The following ZNF227 variants were observed in gnomAD, a reference collection of about 807,000 sequenced individuals.
The protein encoded by ZNF227 is zinc finger protein 227.
ZNF227 carries 12 observed loss-of-function variants against 13.2 expected under a neutral mutation model. That is an observed-to-expected ratio of 0.91 (90% CI 0.58 to 1.47). ZNF227 has a LOEUF of 1.47. Ranked by LOEUF, ZNF227 falls within the 40% of genes most tolerant of loss-of-function variation. The probability of loss-of-function intolerance (pLI) is 0.00; values close to 1 mark genes in which losing one functional copy is unlikely to be tolerated. For synonymous variants in ZNF227, 338 were observed against 326.0 expected, an observed-to-expected ratio of 1.04 and a Z score of -0.40; for missense variants, 885 against 967.5, an observed-to-expected ratio of 0.91 and a Z score of 1.13.
In ZNF227 at chr19:44,236,342, G is replaced by A. The variant is rs764563542; in HGVS notation, c.1912G>A (p.Gly638Ser). The A allele has an allele frequency of 3.1e-6, 5 of 1,613,994 alleles. No individual in the cohort carries two copies. The East Asian group carries it at 1.1e-4, about 36-fold the overall frequency. The change falls in exon 6 of 6, where the codon GGT becomes AGT. Residue 638 changes from glycine to serine, a missense_variant. By Grantham distance (56) the Gly-to-Ser change is moderately conservative. Transcript: ENST00000313040. ...GAAGCCATACAAATGTGGTGTCTGT[G>A]GTAAGGGCTTCAGTCAGTCCTCTGG... Reference protein sequence around the residue: ...GEKPYKCGVCGKGFSQSSGLQ... With the variant: ...GEKPYKCGVCSKGFSQSSGLQ...
At chr19:44,222,489 A>G (rs1420842027) in intron 3 of ZNF227, among the ~76,000 whole-genome samples, 2 of 151,024 alleles carry the variant, frequency 1.3e-5, no homozygotes, top group African/African-American at 2.4e-5. Flanking sequence ...ATCCCTTGTA[A>G]GTTGGATTCC....
At position 44,232,491 on chromosome 19, in the gene ZNF227, T is replaced by C. The variant is rs577424111; in HGVS notation, c.272-2211T>C. ...AGGTGCTGGACTTACAGTTTTATTA[T>C]AGCAAAAAAGATACATGTTGGAAGC... On this transcript the variant is annotated intron_variant, in intron 5 of 5. Transcript: ENST00000313040. Among the ~76,000 whole-genome samples, 14 of 152,200 alleles carry C rather than the reference T, an allele frequency of 9.2e-5. No homozygotes were observed. In the South Asian group the frequency reaches 2.1e-3, roughly 23 times the overall value.
At chr19:44,225,472 ATTC>A (rs1427551704) in intron 3 of ZNF227, among the ~76,000 whole-genome samples, 1 of 152,050 alleles carries the variant, frequency 6.6e-6, no homozygotes, top group African/African-American at 2.4e-5. Flanking sequence ...GTTTCTTTTT[ATTC>A]TTTTTTCTCT....
At chr19:44,211,715 C>A (rs1040976803), upstream of ZNF227, among the ~76,000 whole-genome samples, 2 of 151,726 alleles carry the variant, frequency 1.3e-5, no homozygotes, top group Non-Finnish European at 2.9e-5. Flanking sequence ...GCCTTCGTTG[C>A]ATTTTTTGAT....
chr19:44,217,736 G>A (rs573845374), intron 2 of ZNF227, 55 bp from the exon 3 acceptor site: 1 of 1,581,984 alleles, frequency 6.3e-7, no homozygotes, highest in African/African-American at 1.3e-5. Context: ...TTCCTCATAT[G>A]TACACATGGG....
At chr19:44,216,165 G>A (rs1158651996) in intron 2 of ZNF227, among the ~76,000 whole-genome samples, 1 of 149,946 alleles carries the variant, frequency 6.7e-6, no homozygotes, top group African/African-American at 2.5e-5. Flanking sequence ...TCTTACCATT[G>A]CTTTTTGCAG....
intron 3 of ZNF227, among the ~76,000 whole-genome samples, chr19:44,218,985 T>G (rs1182107914): frequency 6.6e-6 from 1 of 152,200 alleles, no homozygotes. Context: ...CCTCCCAGGT[T>G]CAAGCGATTC....
Position 44,236,742 on chromosome 19 carries a change from C to G in ZNF227, c.2312C>G (p.Pro771Arg), listed in dbSNP as rs751501380. 4 of 1,614,012 alleles carry G rather than the reference C, an allele frequency of 2.5e-6. No homozygotes were observed. The East Asian group carries it at 8.9e-5, about 36-fold the overall frequency. The change falls in exon 6 of 6, where the codon CCA (proline) becomes CGA (arginine). Residue 771 changes from proline (P) to arginine (R), a missense_variant. Transcript: ENST00000313040. ...CAGAGAGTCCACACTGGAGAAAAACCATACAAATGTGACATATGTGATAAG... is the reference window on the plus strand; with the variant it reads ...CAGAGAGTCCACACTGGAGAAAAACGATACAAATGTGACATATGTGATAAG... ...AHQRVHTGEK[P>R]YKCDICDKDF...
rs765782448 is a variant in ZNF227, at chr19:44,236,350, C to G, written c.1920C>G (p.Gly640=). Reference sequence around the variant, plus strand: ...ACAAATGTGGTGTCTGTGGTAAGGGCTTCAGTCAGTCCTCTGGTCTTCAAT... The same window carrying G: ...ACAAATGTGGTGTCTGTGGTAAGGGGTTCAGTCAGTCCTCTGGTCTTCAAT... ...KPYKCGVCGK[G]FSQSSGLQSH... Residue 640 remains glycine (G), a synonymous_variant, in exon 6 of 6, where the codon GGC becomes GGG. Coordinates refer to ENST00000313040, the MANE Select transcript of ZNF227 (RefSeq NM_182490.3). 2 of 1,614,026 alleles carry G rather than the reference C, an allele frequency of 1.2e-6. No homozygotes were observed. Among genetic ancestry groups the G allele is most frequent in the Non-Finnish European group, 1.7e-6 (2 of 1,180,022 alleles).
At position 44,235,052 on chromosome 19, in the gene ZNF227, A is replaced by G. The variant is rs1435147469; in HGVS notation, c.622A>G (p.Met208Val). 2 of 1,614,062 alleles carry G rather than the reference A, an allele frequency of 1.2e-6. No homozygotes were observed. The highest frequency in any genetic ancestry group is 2.2e-5 in the East Asian group (1 of 44,882). ...KNNLQIHEDF[M>V]KKSPFHEHIK... is the part of the protein sequence containing the mutation. The stretch of plus-strand genomic sequence containing the variant: ...TAACCTGCAAATACATGAAGACTTC[A>G]TGAAGAAATCACCATTTCATGAGCA... The change falls in exon 6 of 6, where the codon ATG (methionine) becomes GTG (valine). Residue 208 changes from methionine to valine, a missense_variant. Physicochemically the swap from Met to Val is conservative, Grantham distance 21 (BLOSUM62 1). Transcript: ENST00000313040.
chr19:44,215,208 C>T (rs550788673), intron 2 of ZNF227, among the ~76,000 whole-genome samples: 2 of 150,868 alleles, frequency 1.3e-5, no homozygotes, highest in East Asian at 3.9e-4. Context: ...CGCCTGTCGC[C>T]CAGACCGGAG....
At chr19:44,210,964 C>A (rs758692079), upstream of ZNF227, among the ~76,000 whole-genome samples, 1 of 151,976 alleles carries the variant, frequency 6.6e-6, no homozygotes, top group Non-Finnish European at 1.5e-5. Context: ...GAGGCCGGGG[C>A]GGGTGGATCA....
upstream of ZNF227, among the ~76,000 whole-genome samples, chr19:44,209,199 A>G (rs1388128433): frequency 6.6e-6 from 1 of 152,238 alleles, no homozygotes; most frequent in African/African-American, 2.4e-5. Context: ...AAACATGCAC[A>G]TACAGAAAAT....
At chr19:44,216,575 A>G (rs1971899856) in intron 2 of ZNF227, among the ~76,000 whole-genome samples, 1 of 152,200 alleles carries the variant, frequency 6.6e-6, no homozygotes, top group Admixed American at 6.5e-5. Flanking sequence ...GCATCTTGAA[A>G]TTAAAACCTC....
Position 44,228,531 on chromosome 19 carries a change from G to A in ZNF227, c.146G>A (p.Arg49Gln), listed in dbSNP as rs372394225. 41 of 1,613,722 alleles carry A rather than the reference G, an allele frequency of 2.5e-5. No homozygotes were observed. The highest frequency in any genetic ancestry group is 1.6e-4 in the Middle Eastern group (1 of 6,084). The change falls in exon 4 of 6, where the codon CGA becomes CAA. Residue 49 changes from arginine (R) to glutamine (Q), a missense_variant. Coordinates refer to ENST00000313040, the MANE Select transcript of ZNF227 (RefSeq NM_182490.3). ...LLDLTQRKLY[R>Q]DVMVENFKNL... ...GATCTTACCCAGAGGAAGCTGTACC[G>A]AGATGTCATGGTGGAGAACTTCAAG...
chr19:44,235,713 G>T lies in ZNF227; in HGVS notation c.1283G>T (p.Arg428Ile). 6.2e-7 allele frequency: 1 copy of T among 1,614,074 alleles called. No homozygotes were observed. Among genetic ancestry groups the T allele is most frequent in the Non-Finnish European group, 8.5e-7 (1 of 1,180,014 alleles). Residue 428 changes from arginine (R) to isoleucine (I), a missense_variant, in exon 6 of 6, where the codon AGA (arginine) becomes ATA (isoleucine). By Grantham distance (97) the Arg-to-Ile change is moderately conservative (BLOSUM62 -3). Coordinates refer to ENST00000313040, the MANE Select transcript of ZNF227 (RefSeq NM_182490.3). ...TQAAHFHIHQ[R>I]VHTGEKPYKC... ...GCTGCACATTTTCACATCCATCAGA[G>T]AGTCCACACTGGAGAGAAACCCTAC... is the stretch of plus-strand genomic sequence containing the variant.
In ZNF227 at chr19:44,236,842, G is replaced by A. The variant is rs754977601; in HGVS notation, c.*12G>A. On this transcript the variant is annotated 3_prime_UTR_variant, in exon 6 of 6. Transcript: ENST00000313040. ...GTAAAAAGCTTTAGAAATGAGAAAT[G>A]TGTTACCAACTTTTGTCTGAATGCA... The A allele has an allele frequency of 1.3e-6, 2 of 1,543,250 alleles. No homozygotes were observed. The highest frequency in any genetic ancestry group is 1.7e-6 in the Non-Finnish European group (2 of 1,147,226).
intron 3 of ZNF227, among the ~76,000 whole-genome samples, chr19:44,222,371 G>A (rs906972547): frequency 6.6e-6 from 1 of 151,954 alleles, no homozygotes; most frequent in East Asian, 1.9e-4. Context: ...ACATTTTCAC[G>A]ATATTGATTC....
At chr19:44,227,849 G>T (rs1276076650) in intron 3 of ZNF227, among the ~76,000 whole-genome samples, 1 of 152,172 alleles carries the variant, frequency 6.6e-6, no homozygotes, top group Non-Finnish European at 1.5e-5. Context: ...GTAGTAGGTG[G>T]ATGTGACATG....
Sources: gnomAD v4.1 joint callset for allele counts (sites outside exome capture counted in the v4.1 genomes callset) on GRCh38, gnomAD v4.1.1 for gene constraint, MANE v1.5 for transcripts, NCBI Gene and HGNC (gene_info 2026-07-23, HGNC 2026-07-21) for gene names.